The following TSR3 variants were observed in gnomAD, a reference collection of about 807,000 sequenced individuals.
TSR3 encodes the protein 18S rRNA aminocarboxypropyltransferase.
TSR3 carries 31 observed loss-of-function variants against 28.1 expected under a neutral mutation model. The observed-to-expected ratio is 1.10, with a 90% CI of 0.83 to 1.49. The LOEUF is 1.49. Among genes scored for constraint, TSR3 ranks in the 40% most tolerant of loss-of-function variants. The pLI is 0.00. For missense variants in TSR3, 511 were observed against 444.0 expected (o/e 1.15, Z -1.36); for synonymous variants, 219 against 197.2 (o/e 1.11, Z -0.93).
At position 1,349,839 on chromosome 16, in the gene TSR3, G is replaced by GAC. The variant is rs770804513; in HGVS notation, c.767+49_767+50insGT. 10 of 1,603,554 alleles carry GAC rather than the reference G, an allele frequency of 6.2e-6. No individual in the cohort carries two copies. The African/African-American group carries it at 1.3e-4, about 21-fold the overall frequency. On this transcript the variant is annotated intron_variant, in intron 5 of 5. Transcript: ENST00000007390. ...GCAGGAAGGGCTCAGGCCAGAGGTAGAAGAGAGCCCTGGGTCTGAGTGATC... is the reference window on the plus strand; with the variant it reads ...GCAGGAAGGGCTCAGGCCAGAGGTAGACAAGAGAGCCCTGGGTCTGAGTGATC...
At chr16:1,351,288 T>G (rs2034670707) in intron 2 of TSR3, 91 bp downstream of exon 2, 1 of 1,347,006 alleles carries the variant, frequency 7.4e-7, no homozygotes, top group African/African-American at 1.5e-5. Context: ...GGTGTGGATG[T>G]GGGTGCGACA....
intron 3 of TSR3, 39 bp from the exon 4 acceptor site, chr16:1,350,273 G>C: frequency 6.4e-7 from 1 of 1,555,488 alleles, no homozygotes; most frequent in Non-Finnish European, 8.7e-7. Flanking sequence ...AGAAGTCGAC[G>C]GTCCCCTCAA....
chr16:1,349,986 G>A (rs777392996), intron 4 of TSR3, 34 bp from the exon 5 acceptor site: 1 of 1,612,826 alleles, frequency 6.2e-7, no homozygotes, highest in Non-Finnish European at 8.5e-7. Flanking sequence ...CTCTAAGTGA[G>A]CTCAGAGCAG....
In TSR3 at chr16:1,349,251, C is replaced by G. The variant is rs1207634221; in HGVS notation, c.*186G>C. ...GACTCACAAGGGGCTTCTTGGCCTG[C>G]AGCTTCATTTGCGAGAGCGCCGAGG... On this transcript the variant is annotated 3_prime_UTR_variant, in exon 6 of 6. Transcript: ENST00000007390. 2 of 694,090 alleles carry G rather than the reference C, an allele frequency of 2.9e-6. No individual in the cohort carries two copies. Among genetic ancestry groups the G allele is most frequent in the Non-Finnish European group, 5.1e-6 (2 of 395,398 alleles). The allele number at this position is 694,090 out of a possible 1,614,324, so 43.0% of individuals were successfully genotyped here. A position where few individuals can be genotyped will look rare whatever the true frequency, so the allele number is the denominator to read the frequency against.
chr16:1,350,233 G>A lies in TSR3; in HGVS notation c.528C>T (p.Gly176=). Residue 176 remains glycine (G), a splice_region_variant and synonymous_variant, in exon 4 of 6, where the codon GGC becomes GGT. Coordinates refer to ENST00000007390, the MANE Select transcript of TSR3 (RefSeq NM_001001410.3). ...GCAAAATGACAGCAAGGTCTGGAAA[G>A]CCTGACGGTGTGAGAAACAGGAAAC... The part of the protein sequence containing the change: ...EAFAATFCIV[G]FPDLAVILLR... 1.3e-6 allele frequency: 2 copies of A among 1,584,376 alleles called. No individual in the cohort carries two copies. The highest frequency in any genetic ancestry group is 1.7e-6 in the Non-Finnish European group (2 of 1,169,740).
chr16:1,351,493 C>T lies in TSR3; in HGVS notation c.218G>A (p.Cys73Tyr). 1 of 1,562,808 alleles carries T rather than the reference C, an allele frequency of 6.4e-7. No homozygotes were observed. The highest frequency in any genetic ancestry group is 8.6e-7 in the Non-Finnish European group (1 of 1,162,788). Residue 73 changes from cysteine to tyrosine, a missense_variant, in exon 2 of 6, where the codon TGC (cysteine) becomes TAC (tyrosine). Cys to Tyr is a radical substitution (Grantham distance 194). Transcript: ENST00000007390. ...CAGGCGGGCCAGCTTGCGGCCCGTG[C>T]AGCGCCGGGGGTCGCAGTGGCCCAA... ...WELGHCDPRR[C>Y]TGRKLARLGL... is the part of the protein sequence containing the mutation.
Position 1,349,872 on chromosome 16 carries a change from TAA to T in TSR3, c.767+15_767+16del, listed in dbSNP as rs768669545. On this transcript the variant is annotated intron_variant, in intron 5 of 5. Transcript: ENST00000007390. ...CCCTGGGTCTGAGTGATCATGAAATTAAGCCCAAGGACCTACCGGGTGCTGGC... is the reference window on the plus strand; with the variant it reads ...CCCTGGGTCTGAGTGATCATGAAATTGCCCAAGGACCTACCGGGTGCTGGC... 1 of 1,613,550 alleles carries T rather than the reference TAA, an allele frequency of 6.2e-7. No homozygotes were observed. The highest frequency in any genetic ancestry group is 1.1e-5 in the South Asian group (1 of 91,082).
intron 1 of TSR3, 24 bp downstream of exon 1, chr16:1,351,669 C>T (rs1567179265): frequency 8.5e-6 from 12 of 1,403,794 alleles, no homozygotes; most frequent in Non-Finnish European, 5.5e-6. Context: ...CCCTGACCCG[C>T]TCTCCCCATC....
rs1211944747 is a variant in TSR3, at chr16:1,350,889, C to G, written c.444G>C (p.Leu148=). 2 of 1,612,906 alleles carry G rather than the reference C, an allele frequency of 1.2e-6. No individual in the cohort carries two copies. Among genetic ancestry groups the G allele is most frequent in the African/African-American group, 2.7e-5 (2 of 74,908 alleles). Residue 148 remains leucine, a synonymous_variant, in exon 3 of 6, where the codon CTG becomes CTC. Transcript: ENST00000007390. ...RGSHLRLLPY[L]VAANPVNYGR... is the part of the protein sequence containing the mutation. ...CATAGTTCACGGGGTTGGCGGCCAC[C>G]AGGTAGGGCAACAGGCGCAAGTGGC...
At position 1,349,367 on chromosome 16, in the gene TSR3, C is replaced by G. The variant is rs1401734772; in HGVS notation, c.*70G>C. The G allele has an allele frequency of 1.3e-6, 2 of 1,570,146 alleles. No individual in the cohort carries two copies. The highest frequency in any genetic ancestry group is 2.2e-5 in the East Asian group (1 of 44,672). On this transcript the variant is annotated 3_prime_UTR_variant, in exon 6 of 6. Coordinates refer to ENST00000007390, the MANE Select transcript of TSR3 (RefSeq NM_001001410.3). ...GCCGCAAAGAGCCGAGGCTGCCAGG[C>G]CCATTTATGTCCCTCATGTCTCTAG... is the stretch of plus-strand genomic sequence containing the variant.
chr16:1,351,521 C>G lies in TSR3; in HGVS notation c.190G>C (p.Glu64Gln), dbSNP rs1381050989. The G allele has an allele frequency of 5.9e-6, 9 of 1,525,874 alleles. No homozygotes were observed. Among genetic ancestry groups the G allele is most frequent in the Non-Finnish European group, 7.9e-6 (9 of 1,143,784 alleles). 94.5% of individuals were successfully genotyped at this position (1,525,874 alleles called of 1,614,324 possible). The change falls in exon 2 of 6, where the codon GAG becomes CAG. Residue 64 changes from glutamate to glutamine, a missense_variant. Glu to Gln is a conservative substitution (Grantham distance 29). Transcript: ENST00000007390. ...AALPCTLAMW[E>Q]LGHCDPRRCT... is the part of the protein sequence containing the mutation. ...CGCCGGGGGTCGCAGTGGCCCAACT[C>G]CCACATGGCCAGCGTGCAGGGCAGC...
Position 1,349,907 on chromosome 16 carries a change from C to T in TSR3, c.749G>A (p.Arg250Lys). ...DSGREFGNPNRPVASTRLPSD... is the reference protein window; with the variant it reads ...DSGREFGNPNKPVASTRLPSD... ...GACCTACCGGGTGCTGGCCACAGGCCTGTTGGGGTTTCCAAACTCTCTCCC... is the reference window on the plus strand; with the variant it reads ...GACCTACCGGGTGCTGGCCACAGGCTTGTTGGGGTTTCCAAACTCTCTCCC... Residue 250 changes from arginine to lysine, a missense_variant, in exon 5 of 6, where the codon AGG becomes AAG. By Grantham distance (26) the Arg-to-Lys change is conservative. Coordinates refer to ENST00000007390, the MANE Select transcript of TSR3 (RefSeq NM_001001410.3). 2 of 1,613,762 alleles carry T rather than the reference C, an allele frequency of 1.2e-6. No homozygotes were observed. The highest frequency in any genetic ancestry group is 8.5e-7 in the Non-Finnish European group (1 of 1,180,024).
In TSR3 at chr16:1,351,485, G is replaced by T; in HGVS notation, c.226C>A (p.Arg76Ser). 6.4e-7 allele frequency: 1 copy of T among 1,573,696 alleles called. No individual in the cohort carries two copies. The highest frequency in any genetic ancestry group is 2.3e-5 in the East Asian group (1 of 43,150). Residue 76 changes from arginine to serine, a missense_variant, in exon 2 of 6, where the codon CGC (arginine) becomes AGC (serine). Coordinates refer to ENST00000007390, the MANE Select transcript of TSR3 (RefSeq NM_001001410.3). The part of the protein sequence containing the change: ...GHCDPRRCTG[R>S]KLARLGLVRC... ...ACCAGCCCCAGGCGGGCCAGCTTGCGGCCCGTGCAGCGCCGGGGGTCGCAG... is the reference window on the plus strand; with the variant it reads ...ACCAGCCCCAGGCGGGCCAGCTTGCTGCCCGTGCAGCGCCGGGGGTCGCAG...
At position 1,350,962 on chromosome 16, in the gene TSR3, C is replaced by T; in HGVS notation, c.371G>A (p.Cys124Tyr). The change falls in exon 3 of 6, where the codon TGC (cysteine) becomes TAC (tyrosine). Residue 124 changes from cysteine (C) to tyrosine (Y), a missense_variant. Physicochemically the swap from Cys to Tyr is radical, Grantham distance 194. Coordinates refer to ENST00000007390, the MANE Select transcript of TSR3 (RefSeq NM_001001410.3). ...TGTCTCGTCCAGCCTGGCCCAGGAG[C>T]AGTCGATGACGGCGACCCCAGACTG... ...VAQSGVAVID[C>Y]SWARLDETPF... 1 of 1,612,490 alleles carries T rather than the reference C, an allele frequency of 6.2e-7. No individual in the cohort carries two copies. The highest frequency in any genetic ancestry group is 8.5e-7 in the Non-Finnish European group (1 of 1,179,910).
At chr16:1,351,117 C>G (rs778392389) in intron 2 of TSR3, 117 bp from the exon 3 acceptor site, 36 of 1,161,614 alleles carry the variant, frequency 3.1e-5, no homozygotes, top group Non-Finnish European at 4.3e-5. Flanking sequence ...CCCAAACACC[C>G]TCAAACGGAC....
intron 2 of TSR3, 57 bp from the exon 3 acceptor site, chr16:1,351,057 G>GC: frequency 9.7e-6 from 15 of 1,552,790 alleles, no homozygotes; most frequent in Non-Finnish European, 1.3e-5. Context: ...GGTGGAGCAT[G>GC]CCCCGGAGAA....
intron 3 of TSR3, among the ~76,000 whole-genome samples, chr16:1,350,556 G>A (rs1361564090): frequency 6.6e-6 from 1 of 152,124 alleles, no homozygotes; most frequent in African/African-American, 2.4e-5. Flanking sequence ...TCTGGGCAGT[G>A]GTGCCCTGAT....
chr16:1,350,927 T>G lies in TSR3; in HGVS notation c.406A>C (p.Lys136Gln), dbSNP rs2034657986. The change falls in exon 3 of 6, where the codon AAG becomes CAG. Residue 136 changes from lysine to glutamine, a missense_variant. Physicochemically the swap from Lys to Gln is moderately conservative, Grantham distance 53. Transcript: ENST00000007390. ...AGGCGCAAGTGGCTCCCTCGCATCT[T>G]CCCAAACGGTGTCTCGTCCAGCCTG... ...WARLDETPFGKMRGSHLRLLP... is the reference protein window; with the variant it reads ...WARLDETPFGQMRGSHLRLLP... 2 of 1,612,894 alleles carry G rather than the reference T, an allele frequency of 1.2e-6. No homozygotes were observed. The highest frequency in any genetic ancestry group is 1.7e-6 in the Non-Finnish European group (2 of 1,179,996).
rs766344716 is a variant in TSR3 at position 1,351,485 on chromosome 16, G to C, written c.226C>G (p.Arg76Gly). Residue 76 changes from arginine to glycine, a missense_variant, in exon 2 of 6, where the codon CGC becomes GGC. Physicochemically the swap from Arg to Gly is moderately radical, Grantham distance 125 (BLOSUM62 -2). Transcript: ENST00000007390. ...GHCDPRRCTG[R>G]KLARLGLVRC... Reference sequence around the variant, plus strand: ...ACCAGCCCCAGGCGGGCCAGCTTGCGGCCCGTGCAGCGCCGGGGGTCGCAG... The same window carrying C: ...ACCAGCCCCAGGCGGGCCAGCTTGCCGCCCGTGCAGCGCCGGGGGTCGCAG... 1.5e-5 allele frequency: 24 copies of C among 1,573,578 alleles called. No individual in the cohort carries two copies. Among genetic ancestry groups the C allele is most frequent in the Middle Eastern group, 1.7e-4 (1 of 5,892 alleles).
Sources: allele counts gnomAD v4.1 joint callset (sites outside exome capture counted in the v4.1 genomes callset), GRCh38; gene constraint gnomAD v4.1.1; transcripts MANE v1.5; gene names NCBI Gene and HGNC (gene_info 2026-07-23, HGNC 2026-07-21).